TNIK: variants seen among roughly 807,000 people sequenced by gnomAD.
TNIK encodes the protein TRAF2 and NCK interacting kinase.
Under a neutral mutation model 191.3 loss-of-function variants are expected in TNIK, and 49 were observed. The observed-to-expected ratio is 0.26, with a 90% CI of 0.20 to 0.32. The LOEUF (loss-of-function observed/expected upper bound fraction) is 0.32, where lower values mean the gene tolerates loss of function less well. TNIK is among the 10% of genes least tolerant of loss of function. TNIK has a pLI of 1.00. For missense variants in TNIK, 1,155 were observed against 1,702.3 expected (o/e 0.68, Z 5.66); for synonymous variants, 594 against 600.9 (o/e 0.99, Z 0.17).
chr3:171,190,821 G>T, intron 5 of TNIK, 34 bp from the exon 6 acceptor site: 2 of 1,492,670 alleles, frequency 1.3e-6, no homozygotes, highest in Non-Finnish European at 1.8e-6. Flanking sequence ...GGGTTAATAG[G>T]AACATAAGCC....
chr3:171,111,582 C>T (rs1725868625), intron 18 of TNIK, among the ~76,000 whole-genome samples: 1 of 152,092 alleles, frequency 6.6e-6, no homozygotes, highest in African/African-American at 2.4e-5. Context: ...ATAGTACAGC[C>T]AGTACGGAAA....
At chr3:171,224,208 C>T (rs904081187) in intron 3 of TNIK, among the ~76,000 whole-genome samples, 3 of 152,170 alleles carry the variant, frequency 2.0e-5, no homozygotes, top group African/African-American at 7.2e-5. Flanking sequence ...TTCTCTGCAT[C>T]CTGCTGAGGT....
chr3:171,190,561 A>G (rs1737927998), intron 6 of TNIK, 136 bp downstream of exon 6: 1 of 646,124 alleles, frequency 1.5e-6, no homozygotes, highest in African/African-American at 1.8e-5. Context: ...AAATAGGCAA[A>G]GAAACATTTT....
At chr3:171,362,196 T>G (rs962718890) in intron 2 of TNIK, among the ~76,000 whole-genome samples, 8 of 152,294 alleles carry the variant, frequency 5.3e-5, no homozygotes, top group Admixed American at 3.9e-4. Context: ...TAACCTATCT[T>G]CTCTTTACAC....
intron 15 of TNIK, among the ~76,000 whole-genome samples, chr3:171,131,269 C>T (rs1257497041): frequency 1.6e-5 from 2 of 126,140 alleles, no homozygotes; most frequent in Admixed American, 2.0e-4. Context: ...ACCCGGGAGG[C>T]GGAGCTTGCA....
chr3:171,141,251 G>A (rs1000638815), intron 12 of TNIK, among the ~76,000 whole-genome samples: 2 of 152,262 alleles, frequency 1.3e-5, no homozygotes, highest in African/African-American at 2.4e-5. Context: ...ACAAAAATAA[G>A]TGGATGTCAC....
chr3:171,305,017 A>C lies in TNIK; in HGVS notation c.123+64603T>G, dbSNP rs546679368. 3.3e-5 allele frequency among the ~76,000 whole-genome samples: 5 copies of C among 150,858 alleles called. No individual in the cohort carries two copies. In the East Asian group the frequency reaches 9.7e-4, roughly 29 times the overall value. On this transcript the variant is annotated intron_variant, in intron 2 of 32. Coordinates refer to ENST00000436636, the MANE Select transcript of TNIK (RefSeq NM_015028.4). ...AAAACTTAAAGTATAATTAAAAAAA[A>C]AAAAAAAAGAAATTGAAAATCTCTG...
intron 2 of TNIK, among the ~76,000 whole-genome samples, chr3:171,239,661 G>C (rs1181820108): frequency 1.3e-5 from 2 of 152,198 alleles, no homozygotes; most frequent in African/African-American, 4.8e-5. Context: ...CTGCATTTGC[G>C]ATTGTGATTT....
intron 2 of TNIK, among the ~76,000 whole-genome samples, chr3:171,270,032 A>G (rs1748888401): frequency 6.6e-6 from 1 of 152,128 alleles, no homozygotes; most frequent in South Asian, 2.1e-4. Context: ...AAACTCACAC[A>G]CCCACACACA....
intron 2 of TNIK, among the ~76,000 whole-genome samples, chr3:171,251,317 T>C (rs1746194737): frequency 6.6e-6 from 1 of 152,236 alleles, no homozygotes; most frequent in Non-Finnish European, 1.5e-5. Flanking sequence ...AAGAGTCCTC[T>C]GGTGTGTTCT....
intron 2 of TNIK, among the ~76,000 whole-genome samples, chr3:171,347,421 A>ACACACACACACACAC (rs71178206): frequency 6.9e-6 from 1 of 144,440 alleles, no homozygotes; most frequent in African/African-American, 2.5e-5. Context: ...ACACACACAC[A>ACACACACACACACAC]AGTAAAGAGA....
intron 17 of TNIK, among the ~76,000 whole-genome samples, chr3:171,124,495 T>C (rs1186860468): frequency 6.6e-6 from 1 of 152,198 alleles, no homozygotes; most frequent in Non-Finnish European, 1.5e-5. Context: ...CATTTTAAAA[T>C]GAAATTAAAT....
chr3:171,236,804 A>T (rs932471236), intron 2 of TNIK, among the ~76,000 whole-genome samples: 2 of 152,038 alleles, frequency 1.3e-5, no homozygotes, highest in African/African-American at 4.8e-5. Flanking sequence ...GATATATTAC[A>T]TCCTCTCCCC....
At chr3:171,402,651 C>T (rs13078195) in intron 1 of TNIK, among the ~76,000 whole-genome samples, 43,059 of 152,108 alleles carry the variant, frequency 0.28, 7,828 homozygotes, top group Non-Finnish European at 0.4. Context: ...GATACCCTTC[C>T]TCCAGCTTCA....
At chr3:171,306,699 T>C (rs1753491761) in intron 2 of TNIK, among the ~76,000 whole-genome samples, 1 of 151,908 alleles carries the variant, frequency 6.6e-6, no homozygotes, top group South Asian at 2.1e-4. Context: ...TGGGCTTTCA[T>C]GAAAAAGCAA....
intron 12 of TNIK, among the ~76,000 whole-genome samples, chr3:171,142,997 A>T (rs1480784279): frequency 6.6e-6 from 1 of 152,180 alleles, no homozygotes; most frequent in African/African-American, 2.4e-5. Context: ...ATTACATGCC[A>T]CTCAGGTCCC....
rs115392288 is a variant in TNIK, at chr3:171,377,975, G to T, written c.58-8290C>A. On this transcript the variant is annotated intron_variant, in intron 1 of 32. Transcript: ENST00000436636. Reference sequence around the variant, plus strand: ...TGGCCAATGCTGAAATTAACCTGGGGTTACGGGGATGCTGAAGGCCTTGTG... The same window carrying T: ...TGGCCAATGCTGAAATTAACCTGGGTTTACGGGGATGCTGAAGGCCTTGTG... Among the ~76,000 whole-genome samples the T allele has an allele frequency of 2.1e-3, 323 of 152,278 alleles. 2 individuals are homozygous for T. The highest frequency in any genetic ancestry group is 7.4e-3 in the African/African-American group (306 of 41,548).
chr3:171,317,389 C>T lies in TNIK; in HGVS notation c.123+52231G>A, dbSNP rs79145807. 3.9e-5 allele frequency among the ~76,000 whole-genome samples: 6 copies of T among 152,260 alleles called. No individual in the cohort carries two copies. The East Asian group carries it at 1.2e-3, about 29-fold the overall frequency. On this transcript the variant is annotated intron_variant, in intron 2 of 32. Transcript: ENST00000436636. The stretch of plus-strand genomic sequence containing the variant: ...ATAGTGGGATGTGGGAGAGACACTC[C>T]AGCTATCCATGGAGGACTGCTCAAT...
rs184174344 is a variant in TNIK, at chr3:171,077,732, G to C, written c.3448+1786C>G. 7.3e-4 allele frequency among the ~76,000 whole-genome samples: 111 copies of C among 151,792 alleles called. 1 individual carries two copies. Among genetic ancestry groups the C allele is most frequent in the Non-Finnish European group, 5.7e-4 (39 of 67,986 alleles). ...TGACTGAAAATCTTGAGACTTTTCA[G>C]CCTGTATAGTATAGTCATGTGAAAT... On this transcript the variant is annotated intron_variant, in intron 28 of 32. Transcript: ENST00000436636.
Sources: gnomAD v4.1 joint callset for allele counts (sites outside exome capture counted in the v4.1 genomes callset) on GRCh38, gnomAD v4.1.1 for gene constraint, MANE v1.5 for transcripts, NCBI Gene and HGNC (gene_info 2026-07-23, HGNC 2026-07-21) for gene names.